PDE4D: variants seen among roughly 807,000 people sequenced by gnomAD.
The protein encoded by PDE4D is phosphodiesterase 4D.
PDE4D carries 24 observed loss-of-function variants against 87.4 expected under a neutral mutation model. The ratio of observed to expected loss-of-function variants is 0.27; its 90% CI spans 0.20 to 0.39. PDE4D has a LOEUF of 0.39. PDE4D is among the 10% of genes least tolerant of loss of function. The pLI is 1.00. For missense variants in PDE4D, 714 were observed against 1,041.0 expected, an observed-to-expected ratio of 0.69 and a Z score of 4.32; for synonymous variants, 384 against 383.2, an observed-to-expected ratio of 1.00 and a Z score of -0.02.
At chr5:60,354,593 A>AC (rs1759459189) in intron 1 of PDE4D, among the ~76,000 whole-genome samples, 1 of 152,202 alleles carries the variant, frequency 6.6e-6, no homozygotes, top group Non-Finnish European at 1.5e-5. Flanking sequence ...ATTGAATTGC[A>AC]CCAACAAGGT....
intron 1 of PDE4D, among the ~76,000 whole-genome samples, chr5:59,657,145 A>C (rs1744495698): frequency 6.6e-6 from 1 of 152,220 alleles, no homozygotes; most frequent in Admixed American, 6.5e-5. Context: ...TGAGATATTG[A>C]AAGGACAAAT....
At chr5:59,526,810 C>T (rs1346372680) in intron 1 of PDE4D, among the ~76,000 whole-genome samples, 1 of 151,890 alleles carries the variant, frequency 6.6e-6, no homozygotes, top group Non-Finnish European at 1.5e-5. Flanking sequence ...ATTTTTTGTA[C>T]ATATGGTGTT....
chr5:59,773,962 G>T (rs990599270), intron 1 of PDE4D, among the ~76,000 whole-genome samples: 1 of 152,062 alleles, frequency 6.6e-6, no homozygotes, highest in African/African-American at 2.4e-5. Flanking sequence ...TGCCTTCTGG[G>T]TTAAAAGGAG....
chr5:60,145,982 G>T (rs138918356), intron 2 of PDE4D, among the ~76,000 whole-genome samples: 2,865 of 152,306 alleles, frequency 0.019, 90 homozygotes, highest in African/African-American at 0.066. Context: ...GGGAAGCTGA[G>T]GCAGGCGGGT....
chr5:59,937,243 A>C (rs1039773755), intron 3 of PDE4D, among the ~76,000 whole-genome samples: 2 of 152,214 alleles, frequency 1.3e-5, no homozygotes, highest in African/African-American at 2.4e-5. Context: ...TAGAATTCTT[A>C]AGTATCCTCA....
chr5:60,064,798 C>T (rs914449259), intron 2 of PDE4D, among the ~76,000 whole-genome samples: 2 of 152,076 alleles, frequency 1.3e-5, no homozygotes, highest in East Asian at 3.9e-4. Flanking sequence ...GTTATATTGG[C>T]ATCTCTGCTC....
chr5:59,353,902 C>G (rs1780933928), intron 1 of PDE4D, among the ~76,000 whole-genome samples: 1 of 152,128 alleles, frequency 6.6e-6, no homozygotes, highest in Admixed American at 6.6e-5. Flanking sequence ...CATTGTAAAA[C>G]TGTTTCAGAT....
intron 1 of PDE4D, among the ~76,000 whole-genome samples, chr5:60,338,799 A>G (rs978686717): frequency 6.6e-6 from 1 of 152,164 alleles, no homozygotes; most frequent in African/African-American, 2.4e-5. Flanking sequence ...GGAAAGAACA[A>G]AAATTATATG....
At chr5:59,710,677 AC>A (rs1580596470) in intron 1 of PDE4D, among the ~76,000 whole-genome samples, 2 of 152,150 alleles carry the variant, frequency 1.3e-5, no homozygotes, top group East Asian at 1.9e-4. Context: ...ATCCTGATTA[AC>A]CTTTTAGGAG....
intron 3 of PDE4D, among the ~76,000 whole-genome samples, chr5:59,919,707 T>A (rs777281250): frequency 6.6e-6 from 1 of 152,176 alleles, no homozygotes; most frequent in Non-Finnish European, 1.5e-5. Flanking sequence ...ACCCTCCCTA[T>A]TTTTCTTCGG....
At chr5:60,318,086 G>T (rs1755812858) in intron 1 of PDE4D, among the ~76,000 whole-genome samples, 2 of 152,104 alleles carry the variant, frequency 1.3e-5, no homozygotes, top group Non-Finnish European at 2.9e-5. Context: ...TGACAGTGGG[G>T]TGTTAAAGTC....
intron 1 of PDE4D, among the ~76,000 whole-genome samples, chr5:59,434,406 C>A (rs1796517475): frequency 6.6e-6 from 1 of 151,960 alleles, no homozygotes; most frequent in South Asian, 2.1e-4. Context: ...TTGGAAGACT[C>A]CTTCCCTCCC....
At chr5:59,013,440 T>C (rs1376141537) in intron 6 of PDE4D, among the ~76,000 whole-genome samples, 2 of 151,842 alleles carry the variant, frequency 1.3e-5, no homozygotes, top group Non-Finnish European at 2.9e-5. Context: ...AAGAATCAAA[T>C]AGATGCAATA....
At chr5:60,033,976 C>T (rs1006049793) in intron 2 of PDE4D, among the ~76,000 whole-genome samples, 3 of 152,144 alleles carry the variant, frequency 2.0e-5, no homozygotes, top group African/African-American at 7.2e-5. Flanking sequence ...TAAAGGACCA[C>T]AAGATTTCAA....
chr5:59,267,928 T>G (rs1763117534), intron 1 of PDE4D, among the ~76,000 whole-genome samples: 1 of 151,912 alleles, frequency 6.6e-6, no homozygotes, highest in Non-Finnish European at 1.5e-5. Flanking sequence ...AGGGCTGAGA[T>G]GGGGGGCAAA....
chr5:59,479,016 T>C (rs1199452990), intron 1 of PDE4D, among the ~76,000 whole-genome samples: 7 of 152,112 alleles, frequency 4.6e-5, no homozygotes, highest in African/African-American at 1.7e-4. Context: ...TATCTGTTGC[T>C]TTTGGGTGAT....
intron 1 of PDE4D, among the ~76,000 whole-genome samples, chr5:59,258,686 A>C (rs899502902): frequency 6.7e-6 from 1 of 148,510 alleles, no homozygotes; most frequent in Admixed American, 6.8e-5. Flanking sequence ...TATCATATAG[A>C]TAACATATAT....
At chr5:60,093,800 C>A (rs1775386928) in intron 2 of PDE4D, among the ~76,000 whole-genome samples, 1 of 151,562 alleles carries the variant, frequency 6.6e-6, no homozygotes, top group African/African-American at 2.4e-5. Context: ...TTTTTTGCAA[C>A]AAGTTTTGGT....
chr5:60,092,050 CAAAAAAAAAA>C lies in PDE4D; in HGVS notation c.42+93497_42+93506del, dbSNP rs66814905. Among the ~76,000 whole-genome samples the C allele has an allele frequency of 4.3e-4, 24 of 56,002 alleles. 1 individual carries two copies. The highest frequency in any genetic ancestry group is 1.2e-3 in the East Asian group (2 of 1,724). 36.7% of individuals were successfully genotyped at this position (56,002 alleles called of 152,430 possible). ...TGGGCGACAGAGCGAAACTCCGTCT[CAAAAAAAAAA>C]AAAAAAAAAAAAAAAAAAGAAAATG... On this transcript the variant is annotated intron_variant, in intron 2 of 16. Transcript: ENST00000502484.
Sources: allele counts gnomAD v4.1 joint callset (sites outside exome capture counted in the v4.1 genomes callset), GRCh38; gene constraint gnomAD v4.1.1; transcripts MANE v1.5; gene names NCBI Gene and HGNC (gene_info 2026-07-23, HGNC 2026-07-21).